The following SLIT2 variants were observed in gnomAD, a reference collection of about 807,000 sequenced individuals.
The protein encoded by SLIT2 is slit guidance ligand 2.
SLIT2 carries 41 observed loss-of-function variants against 185.7 expected under a neutral mutation model. That is an observed-to-expected ratio of 0.22 (90% CI 0.17 to 0.29). The LOEUF is 0.29. SLIT2 is among the 10% of genes least tolerant of loss of function. The pLI, the probability that SLIT2 is intolerant of heterozygous loss-of-function variation, is 1.00. For synonymous variants in SLIT2, 693 were observed against 680.2 expected (o/e 1.02, Z -0.29); for missense variants, 1,571 against 1,909.0 (o/e 0.82, Z 3.30).
chr4:20,536,512 C>T lies in SLIT2; in HGVS notation c.1832+2797C>T, dbSNP rs575849154. ...GGCGGAGGTTGCAGTGAGCAGAGATCGCACCATTGCCCTCCAGCCTGGGTG... is the reference window on the plus strand; with the variant it reads ...GGCGGAGGTTGCAGTGAGCAGAGATTGCACCATTGCCCTCCAGCCTGGGTG... On this transcript the variant is annotated intron_variant, in intron 18 of 36. Transcript: ENST00000504154. 3.0e-4 allele frequency among the ~76,000 whole-genome samples: 44 copies of T among 144,476 alleles called. No homozygotes were observed. The East Asian group carries it at 5.5e-3, about 18-fold the overall frequency. 94.8% of individuals were successfully genotyped at this position (144,476 alleles called of 152,430 possible).
At position 20,455,262 on chromosome 4, in the gene SLIT2, A is replaced by G. The variant is rs112398584; in HGVS notation, c.396-12490A>G. Reference sequence around the variant, plus strand: ...TGCATTGCAGAGCTGTTGTGGGTATATGGAGGTAGAATTAAGGGAAGAACA... The same window carrying G: ...TGCATTGCAGAGCTGTTGTGGGTATGTGGAGGTAGAATTAAGGGAAGAACA... On this transcript the variant is annotated intron_variant, in intron 4 of 36. Coordinates refer to ENST00000504154, the MANE Select transcript of SLIT2 (RefSeq NM_004787.4). Among the ~76,000 whole-genome samples the G allele has an allele frequency of 8.3e-3, 1,270 of 152,288 alleles. 17 individuals are homozygous for G. Among genetic ancestry groups the G allele is most frequent in the African/African-American group, 0.029 (1,219 of 41,578 alleles).
chr4:20,342,806 T>C (rs1721072703), intron 4 of SLIT2, among the ~76,000 whole-genome samples: 2 of 128,314 alleles, frequency 1.6e-5, no homozygotes, highest in Admixed American at 2.0e-4. Context: ...AACAGCAGGG[T>C]TGACTAGCTG....
At chr4:20,612,363 A>T (rs1398301649) in intron 34 of SLIT2, among the ~76,000 whole-genome samples, 1 of 151,500 alleles carries the variant, frequency 6.6e-6, no homozygotes, top group Non-Finnish European at 1.5e-5. Context: ...AAAAGTATTT[A>T]TCCTTCTGAA....
chr4:20,590,107 G>T (rs539289146), intron 30 of SLIT2, among the ~76,000 whole-genome samples: 1 of 151,736 alleles, frequency 6.6e-6, no homozygotes. Context: ...GGGTTTCACC[G>T]TGTTAGCCAG....
Position 20,486,266 on chromosome 4 carries a change from G to T in SLIT2, c.606G>T (p.Arg202Ser). 8 of 1,557,134 alleles carry T rather than the reference G, an allele frequency of 5.1e-6. No homozygotes were observed. The highest frequency in any genetic ancestry group is 7.1e-6 in the Non-Finnish European group (8 of 1,128,660). ...GTTTCAACCATATGCCTAAACTTAG[G>T]ACTTTGTAAGTAGTCACAATATATG... Reference protein sequence around the residue: ...VASFNHMPKLRTFRLHSNNLY... With the variant: ...VASFNHMPKLSTFRLHSNNLY... Residue 202 changes from arginine to serine, a missense_variant, in exon 7 of 37, where the codon AGG (arginine) becomes AGT (serine). This residue lies in a region of SLIT2 where 1,202 missense variants were observed against 1,416.4 expected (regional missense o/e 0.85). Transcript: ENST00000504154.
At chr4:20,472,588 A>C (rs796888232) in intron 5 of SLIT2, among the ~76,000 whole-genome samples, 223 of 12,314 alleles carry the variant, frequency 0.018, 78 homozygotes, top group Non-Finnish European at 0.021. Flanking sequence ...ATCTATATAT[A>C]GATATATATC....
intron 18 of SLIT2, among the ~76,000 whole-genome samples, 165 bp downstream of exon 18, chr4:20,533,880 G>A (rs1446569247): frequency 1.5e-5 from 2 of 131,676 alleles, no homozygotes; most frequent in Admixed American, 7.1e-5. Flanking sequence ...ACACACACAT[G>A]TATTGTGAAT....
intron 4 of SLIT2, among the ~76,000 whole-genome samples, chr4:20,271,881 A>C (rs1166625343): frequency 6.6e-6 from 1 of 152,090 alleles, no homozygotes; most frequent in Non-Finnish European, 1.5e-5. Context: ...AGAAGCACAC[A>C]TGCTTTTCAT....
Position 20,393,120 on chromosome 4 carries a change from C to T in SLIT2, c.396-74632C>T, listed in dbSNP as rs534809577. On this transcript the variant is annotated intron_variant, in intron 4 of 36. Coordinates refer to ENST00000504154, the MANE Select transcript of SLIT2 (RefSeq NM_004787.4). ...CAATGACTACCACATCACGGGGTGA[C>T]GGGAATTTTTCAGGTCCATTATAAT... 5.9e-5 allele frequency among the ~76,000 whole-genome samples: 9 copies of T among 151,992 alleles called. No homozygotes were observed. The East Asian group carries it at 7.7e-4, about 13-fold the overall frequency.
chr4:20,534,049 T>TCTTCTA, intron 18 of SLIT2, among the ~76,000 whole-genome samples: 1 of 152,302 alleles, frequency 6.6e-6, no homozygotes, highest in Admixed American at 6.5e-5. Flanking sequence ...GGCTTCTGTC[T>TCTTCTA]CTTCTACAAA....
chr4:20,395,349 G>A (rs955625551), intron 4 of SLIT2, among the ~76,000 whole-genome samples: 2 of 151,954 alleles, frequency 1.3e-5, no homozygotes, highest in African/African-American at 4.8e-5. Context: ...TCAGATGGCT[G>A]TTTTGTCAGG....
chr4:20,423,582 A>C (rs1185661891), intron 4 of SLIT2, among the ~76,000 whole-genome samples: 1 of 152,120 alleles, frequency 6.6e-6, no homozygotes, highest in Non-Finnish European at 1.5e-5. Context: ...AAGTGGTAGA[A>C]TTCTCACTGA....
chr4:20,252,774 C>T lies in SLIT2; in HGVS notation c.-1042C>T, dbSNP rs1426557072. Among the ~76,000 whole-genome samples, 2 of 152,228 alleles carry T rather than the reference C, an allele frequency of 1.3e-5. No individual in the cohort carries two copies. Among genetic ancestry groups the T allele is most frequent in the Non-Finnish European group, 2.9e-5 (2 of 68,046 alleles). On this transcript the variant is annotated 5_prime_UTR_variant, in exon 1 of 37. Transcript: ENST00000504154. ...TGGATCCCACCCGCCCACCTGCCAC[C>T]GAGCCATTCTCCAGTACGCCCCAGC...
chr4:20,524,803 G>A (rs1426023241), intron 14 of SLIT2, among the ~76,000 whole-genome samples: 1 of 151,742 alleles, frequency 6.6e-6, no homozygotes, highest in Non-Finnish European at 1.5e-5. Context: ...ATGAAAGGCT[G>A]CCATCATTCA....
At chr4:20,407,621 C>T (rs1413908200) in intron 4 of SLIT2, among the ~76,000 whole-genome samples, 2 of 152,134 alleles carry the variant, frequency 1.3e-5, no homozygotes. Flanking sequence ...TCAGCAAACT[C>T]AATTGGCAGG....
chr4:20,467,399 A>T (rs1287984840), intron 4 of SLIT2, among the ~76,000 whole-genome samples: 4 of 148,564 alleles, frequency 2.7e-5, no homozygotes, highest in Non-Finnish European at 4.5e-5. Flanking sequence ...AACTACTAAA[A>T]CCTCAGAATC....
chr4:20,430,774 T>C (rs6447960), intron 4 of SLIT2, among the ~76,000 whole-genome samples: 35,841 of 152,232 alleles, frequency 0.24, 4,365 homozygotes, highest in Non-Finnish European at 0.27. Context: ...CTGCTAACAA[T>C]GACATCACAC....
chr4:20,542,813 T>A lies in SLIT2; in HGVS notation c.2276+187T>A, dbSNP rs575116704. ...TACTTTAGAGGCCCTTGGGAATTGCTGTGTGTGTGTGTGTGTGTGTGTGTG... is the reference window on the plus strand; with the variant it reads ...TACTTTAGAGGCCCTTGGGAATTGCAGTGTGTGTGTGTGTGTGTGTGTGTG... On this transcript the variant is annotated intron_variant, in intron 21 of 36. Transcript: ENST00000504154. Among the ~76,000 whole-genome samples the A allele has an allele frequency of 6.7e-4, 16 of 23,936 alleles. No homozygotes were observed. The South Asian group carries it at 0.023, about 34-fold the overall frequency. The allele number at this position is 23,936 out of a possible 152,430, so 15.7% of individuals were successfully genotyped here.
Position 20,335,982 on chromosome 4 carries a change from G to A in SLIT2, c.395+67101G>A, listed in dbSNP as rs189296938. Among the ~76,000 whole-genome samples the A allele has an allele frequency of 3.1e-3, 476 of 152,106 alleles. 2 individuals are homozygous for A. The highest frequency in any genetic ancestry group is 0.017 in the South Asian group (82 of 4,826). On this transcript the variant is annotated intron_variant, in intron 4 of 36. Coordinates refer to ENST00000504154, the MANE Select transcript of SLIT2 (RefSeq NM_004787.4). ...GAGAGGTAGAAAACTGAGTTTAGCC[G>A]ACCAACATGTTATTCTTGTTGTATC...
Sources: allele counts gnomAD v4.1 joint callset (sites outside exome capture counted in the v4.1 genomes callset), GRCh38; gene constraint gnomAD v4.1.1; regional missense constraint gnomAD v4.1.1; transcripts MANE v1.5; gene names NCBI Gene and HGNC (gene_info 2026-07-23, HGNC 2026-07-21).